Variants in CDIN1 observed in about 807,000 individuals in gnomAD.
CDIN1 encodes CDAN1 interacting nuclease 1, also known as CDAN1-interacting nuclease 1.
A neutral mutation model predicts 45.3 loss-of-function variants in CDIN1; 33 were observed. The ratio of observed to expected loss-of-function variants is 0.73; its 90% CI spans 0.55 to 0.97. The LOEUF is 0.97. CDIN1 is among the 50% of genes least tolerant of loss of function. The probability of loss-of-function intolerance (pLI) is 0.00; values close to 1 mark genes in which losing one functional copy is unlikely to be tolerated. For synonymous variants in CDIN1, 118 were observed against 124.4 expected (o/e 0.95, Z 0.34); for missense variants, 303 against 339.4 (o/e 0.89, Z 0.84).
At chr15:36,691,387 C>A (rs1338018278) in intron 5 of CDIN1, 7 of 294,848 alleles carry the variant, frequency 2.4e-5, no homozygotes, top group Non-Finnish European at 3.7e-5. Context: ...TTTTTTTTAC[C>A]CCAAATGGGC....
Position 36,586,577 on chromosome 15 carries a change from C to G in CDIN1, c.101+6616C>G, listed in dbSNP as rs947459519. ...CACTATTTGGGTATTAAAACAACAA[C>G]AACAAACAGCAACAACAATAACAAC... is the stretch of plus-strand genomic sequence containing the variant. On this transcript the variant is annotated intron_variant, in intron 1 of 10. Transcript: ENST00000566621. Among the ~76,000 whole-genome samples the G allele has an allele frequency of 2.6e-5, 4 of 152,102 alleles. No individual in the cohort carries two copies. The East Asian group carries it at 7.7e-4, about 29-fold the overall frequency.
chr15:36,591,460 C>T (rs1310999049), intron 1 of CDIN1, among the ~76,000 whole-genome samples: 1 of 152,142 alleles, frequency 6.6e-6, no homozygotes. Context: ...CTCTTCCAGC[C>T]TGTATGTAAC....
intron 5 of CDIN1, among the ~76,000 whole-genome samples, chr15:36,667,708 A>G (rs1458234675): frequency 1.6e-4 from 24 of 152,134 alleles, no homozygotes; most frequent in Non-Finnish European, 2.8e-4. Context: ...TAAGAATGAG[A>G]TGATACGAAG....
At chr15:36,603,387 T>C (rs2038206242) in intron 1 of CDIN1, among the ~76,000 whole-genome samples, 1 of 152,200 alleles carries the variant, frequency 6.6e-6, no homozygotes, top group African/African-American at 2.4e-5. Flanking sequence ...ACCAGAGTGG[T>C]AGCTCAATTT....
At chr15:36,606,786 G>A (rs1438378735) in intron 1 of CDIN1, among the ~76,000 whole-genome samples, 1 of 152,028 alleles carries the variant, frequency 6.6e-6, no homozygotes, top group Non-Finnish European at 1.5e-5. Flanking sequence ...ACCTCTAAGG[G>A]GGTTATGTAA....
At chr15:36,626,009 T>C (rs1026078032) in intron 1 of CDIN1, among the ~76,000 whole-genome samples, 1 of 152,040 alleles carries the variant, frequency 6.6e-6, no homozygotes, top group African/African-American at 2.4e-5. Context: ...AAAAATAGTT[T>C]ATATGTTCTT....
At chr15:36,774,425 A>T (rs571725985) in intron 10 of CDIN1, among the ~76,000 whole-genome samples, 1 of 152,084 alleles carries the variant, frequency 6.6e-6, no homozygotes, top group South Asian at 2.1e-4. Flanking sequence ...GTAATTCAAA[A>T]CGTTCATTTT....
intron 3 of CDIN1, among the ~76,000 whole-genome samples, chr15:36,645,559 ATAT>A (rs965120781): frequency 2.0e-5 from 3 of 150,426 alleles, no homozygotes; most frequent in African/African-American, 2.4e-5. Context: ...TGTAGTTATA[ATAT>A]TATGAAATCT....
chr15:36,735,943 C>T (rs1470294148), intron 10 of CDIN1, among the ~76,000 whole-genome samples: 1 of 152,168 alleles, frequency 6.6e-6, no homozygotes, highest in African/African-American at 2.4e-5. Flanking sequence ...TTAGAGGGAA[C>T]TATTTGGGAA....
At chr15:36,600,445 A>G (rs1045693780) in intron 1 of CDIN1, among the ~76,000 whole-genome samples, 1 of 152,210 alleles carries the variant, frequency 6.6e-6, no homozygotes, top group Non-Finnish European at 1.5e-5. Flanking sequence ...TTCTGAAAGC[A>G]GTGTCAGAAT....
intron 1 of CDIN1, chr15:36,614,264 T>A: frequency 1.7e-6 from 1 of 600,216 alleles, no homozygotes; most frequent in Non-Finnish European, 3.2e-6. Flanking sequence ...AAGGCCAGCC[T>A]GCCCGAAGCT....
At chr15:36,750,190 C>A (rs549530384) in intron 10 of CDIN1, among the ~76,000 whole-genome samples, 1 of 152,158 alleles carries the variant, frequency 6.6e-6, no homozygotes, top group South Asian at 2.1e-4. Context: ...TCTTAGGGAA[C>A]TACATTTTTG....
intron 8 of CDIN1, chr15:36,707,669 G>A (rs953583779): frequency 1.3e-5 from 2 of 152,134 alleles, no homozygotes; most frequent in African/African-American, 4.8e-5. Context: ...ATGAAGCTAG[G>A]ATAGTTTTAG....
At chr15:36,664,278 T>C (rs183062711) in intron 5 of CDIN1, among the ~76,000 whole-genome samples, 1 of 152,318 alleles carries the variant, frequency 6.6e-6, no homozygotes, top group East Asian at 1.9e-4. Flanking sequence ...GAGCCCCATA[T>C]TTAGATTTGT....
At chr15:36,690,132 A>G (rs981947691) in intron 5 of CDIN1, among the ~76,000 whole-genome samples, 1 of 152,234 alleles carries the variant, frequency 6.6e-6, no homozygotes, top group Non-Finnish European at 1.5e-5. Flanking sequence ...AAGTGTTGCT[A>G]TAAGCATGTA....
At chr15:36,717,741 A>G (rs965477946) in intron 10 of CDIN1, among the ~76,000 whole-genome samples, 12 of 152,234 alleles carry the variant, frequency 7.9e-5, no homozygotes, top group African/African-American at 2.4e-4. Context: ...TTACCTTTTT[A>G]CAAAATGACT....
intron 8 of CDIN1, 140 bp from the exon 9 acceptor site, chr15:36,709,083 G>T: frequency 1.9e-6 from 1 of 523,472 alleles, no homozygotes; most frequent in South Asian, 5.2e-5. Context: ...CATTATTTCT[G>T]ACACAGCACT....
At chr15:36,644,070 C>T (rs2040214923) in intron 1 of CDIN1, among the ~76,000 whole-genome samples, 1 of 152,090 alleles carries the variant, frequency 6.6e-6, no homozygotes, top group African/African-American at 2.4e-5. Context: ...GAGCCCTATC[C>T]ATATTTTCCC....
At position 36,579,813 on chromosome 15, in the gene CDIN1, C is replaced by CA; in HGVS notation, c.-47dup. ...CTCGGCACCAAGGCTACTTGAGCCC[C>CA]AGGGTGTTTTTTCCTTGTTCCCGCC... is the stretch of plus-strand genomic sequence containing the variant. On this transcript the variant is annotated 5_prime_UTR_variant, in exon 1 of 11. Transcript: ENST00000566621. 1 of 1,491,530 alleles carries CA rather than the reference C, an allele frequency of 6.7e-7. No individual in the cohort carries two copies. Among genetic ancestry groups the CA allele is most frequent in the Middle Eastern group, 1.7e-4 (1 of 5,832 alleles). 92.4% of individuals were successfully genotyped at this position (1,491,530 alleles called of 1,614,324 possible). A position where few individuals can be genotyped will look rare whatever the true frequency, so the allele number is the denominator to read the frequency against.
Sources: gnomAD v4.1 joint callset for allele counts (sites outside exome capture counted in the v4.1 genomes callset) on GRCh38, gnomAD v4.1.1 for gene constraint, MANE v1.5 for transcripts, NCBI Gene and HGNC (gene_info 2026-07-23, HGNC 2026-07-21) for gene names.